The following HEATR3 variants were observed in gnomAD, a reference collection of about 807,000 sequenced individuals.
HEATR3 encodes the protein HEAT repeat containing 3.
A neutral mutation model predicts 72.8 loss-of-function variants in HEATR3; 56 were observed. The observed-to-expected ratio is 0.77, with a 90% CI of 0.62 to 0.96. The LOEUF (loss-of-function observed/expected upper bound fraction) is 0.96, where lower values mean the gene tolerates loss of function less well. HEATR3 is among the 40% of genes least tolerant of loss of function. HEATR3 has a pLI of 0.00. For missense variants in HEATR3, 747 were observed against 831.4 expected, an observed-to-expected ratio of 0.90 and a Z score of 1.25; for synonymous variants, 331 against 318.1, an observed-to-expected ratio of 1.04 and a Z score of -0.43.
chr16:50,066,597 G>A, intron 2 of HEATR3, 58 bp downstream of exon 2: 1 of 1,251,132 alleles, frequency 8.0e-7, no homozygotes, highest in South Asian at 3.2e-5. Context: ...CGTCTGGGCT[G>A]CGGGCGGTCG....
At chr16:50,088,733 C>A (rs575064587) in intron 11 of HEATR3, among the ~76,000 whole-genome samples, 2 of 152,260 alleles carry the variant, frequency 1.3e-5, no homozygotes, top group African/African-American at 4.8e-5. Context: ...TTGCTCATGC[C>A]CACCCCCACC....
chr16:50,077,394 A>T (rs1278941786), intron 6 of HEATR3, among the ~76,000 whole-genome samples: 1 of 151,524 alleles, frequency 6.6e-6, no homozygotes, highest in Non-Finnish European at 1.5e-5. Flanking sequence ...AGCTCTTGTA[A>T]TCTGCCCACC....
intron 2 of HEATR3, among the ~76,000 whole-genome samples, chr16:50,067,080 GCGGTGGCA>G (rs2036514487): frequency 6.6e-6 from 1 of 152,168 alleles, no homozygotes; most frequent in South Asian, 2.1e-4. Flanking sequence ...TGGGCCGGGC[GCGGTGGCA>G]CACACCTGTA....
rs1362918459 is a variant in HEATR3 at position 50,106,824 on chromosome 16, CT to C, written c.*1764del. ...CTGTGATGTATTTTACAGTTTTCAC[CT>C]ATATGATATAGACTGTTGGGAAACC... is the stretch of plus-strand genomic sequence containing the variant. On this transcript the variant is annotated 3_prime_UTR_variant, in exon 15 of 15. Transcript: ENST00000299192. 6.6e-6 allele frequency among the ~76,000 whole-genome samples: 1 copy of C among 152,094 alleles called. No individual in the cohort carries two copies. Among genetic ancestry groups the C allele is most frequent in the Non-Finnish European group, 1.5e-5 (1 of 68,018 alleles).
intron 5 of HEATR3, among the ~76,000 whole-genome samples, chr16:50,075,197 A>T (rs2036697551): frequency 6.6e-6 from 1 of 151,478 alleles, no homozygotes; most frequent in Admixed American, 6.6e-5. Flanking sequence ...CATACCTTTA[A>T]TTCCAGTTAC....
chr16:50,100,880 C>G (rs2037350506), intron 13 of HEATR3: 1 of 178,434 alleles, frequency 5.6e-6, no homozygotes, highest in African/African-American at 2.4e-5. Flanking sequence ...TTGCTCTTAC[C>G]ACTTAGCACA....
intron 4 of HEATR3, among the ~76,000 whole-genome samples, chr16:50,070,735 C>T (rs1007915145): frequency 5.3e-5 from 8 of 152,032 alleles, no homozygotes; most frequent in African/African-American, 1.9e-4. Flanking sequence ...GAGGCAGGAT[C>T]AAGTGACCTA....
chr16:50,096,287 T>C (rs2037233393), intron 12 of HEATR3, among the ~76,000 whole-genome samples: 1 of 126,620 alleles, frequency 7.9e-6, no homozygotes, highest in Non-Finnish European at 1.5e-5. Context: ...ATCATGCCAC[T>C]GCACTCCAGC....
chr16:50,084,458 C>G (rs780893114), intron 9 of HEATR3, 111 bp from the exon 10 acceptor site: 3 of 1,122,198 alleles, frequency 2.7e-6, no homozygotes, highest in Non-Finnish European at 3.9e-6. Context: ...AAAGGTCATT[C>G]TATATGAAGC....
intron 5 of HEATR3, chr16:50,072,943 G>A (rs1033776934): frequency 9.0e-6 from 4 of 443,290 alleles, no homozygotes; most frequent in African/African-American, 8.1e-5. Context: ...AGGTAATTAT[G>A]TGAGGATATG....
chr16:50,091,635 G>C (rs895003305), intron 11 of HEATR3, among the ~76,000 whole-genome samples: 2 of 152,108 alleles, frequency 1.3e-5, no homozygotes, highest in South Asian at 4.1e-4. Flanking sequence ...AGCATTCTGG[G>C]GGGCCGAGGC....
intron 2 of HEATR3, 171 bp downstream of exon 2, chr16:50,066,710 C>G (rs2036505680): frequency 1.8e-6 from 1 of 554,036 alleles, no homozygotes; most frequent in South Asian, 8.1e-5. Context: ...GCCCAGTATC[C>G]CCGCATCTCA....
chr16:50,105,462 CA>C lies in HEATR3; in HGVS notation c.*422del, dbSNP rs527830011. On this transcript the variant is annotated 3_prime_UTR_variant, in exon 15 of 15. Coordinates refer to ENST00000299192, the MANE Select transcript of HEATR3 (RefSeq NM_182922.4). ...GGGTGACAGAGGGAGACCCTGTCTC[CA>C]AAAAAAAAAAAAAAAAAAAACTTCA... 3.8e-3 allele frequency: 280 copies of C among 72,886 alleles called. No individual in the cohort carries two copies. The highest frequency in any genetic ancestry group is 5.1e-3 in the Non-Finnish European group (184 of 36,244). The allele number at this position is 72,886 out of a possible 1,614,324, so 4.5% of individuals were successfully genotyped here.
At chr16:50,094,567 C>T (rs1367725501) in intron 11 of HEATR3, 138 bp from the exon 12 acceptor site, 11 of 509,148 alleles carry the variant, frequency 2.2e-5, no homozygotes, top group Admixed American at 4.0e-5. Context: ...GCTTAAATAT[C>T]GAGGGTTTTT....
intron 11 of HEATR3, among the ~76,000 whole-genome samples, chr16:50,089,656 G>T (rs2037064891): frequency 1.3e-5 from 2 of 152,034 alleles, no homozygotes. Flanking sequence ...GCTTATATTT[G>T]GAGATGATAT....
At chr16:50,075,744 T>C (rs761808665) in intron 6 of HEATR3, 33 bp downstream of exon 6, 1 of 1,585,760 alleles carries the variant, frequency 6.3e-7, no homozygotes, top group Non-Finnish European at 8.6e-7. Flanking sequence ...AGTATATTGT[T>C]TCAGTAGCTT....
At chr16:50,078,613 G>A in intron 6 of HEATR3, 128 bp from the exon 7 acceptor site, 1 of 846,118 alleles carries the variant, frequency 1.2e-6, no homozygotes, top group Non-Finnish European at 1.8e-6. Flanking sequence ...AATAAATAAT[G>A]AACAAAGGCA....
intron 11 of HEATR3, among the ~76,000 whole-genome samples, chr16:50,093,271 A>G (rs79422828): frequency 0.033 from 4,960 of 152,272 alleles, 249 homozygotes; most frequent in African/African-American, 0.11. Context: ...ATCTATTGCT[A>G]CGTAACAAGT....
At chr16:50,084,913 C>T (rs922823920) in intron 10 of HEATR3, among the ~76,000 whole-genome samples, 5 of 152,058 alleles carry the variant, frequency 3.3e-5, no homozygotes, top group African/African-American at 7.2e-5. Flanking sequence ...GACAAAATCA[C>T]GCAGTACAAT....
Sources: allele counts gnomAD v4.1 joint callset (sites outside exome capture counted in the v4.1 genomes callset), GRCh38; gene constraint gnomAD v4.1.1; transcripts MANE v1.5; gene names NCBI Gene and HGNC (gene_info 2026-07-23, HGNC 2026-07-21).